BTBD8: variants seen among roughly 807,000 people sequenced by gnomAD.
The protein encoded by BTBD8 is BTB domain containing 8, also known as BTB/POZ domain-containing protein 8.
A neutral mutation model predicts 162.9 loss-of-function variants in BTBD8; 110 were observed. The observed-to-expected ratio is 0.68, with a 90% confidence interval of 0.58 to 0.79. The LOEUF is 0.79. BTBD8 is among the 30% of genes least tolerant of loss of function. BTBD8 has a pLI of 0.00. For synonymous variants in BTBD8, 667 were observed against 716.1 expected (o/e 0.93, Z 1.10); for missense variants, 1,905 against 2,085.4 (o/e 0.91, Z 1.68).
At chr1:92,141,237 T>C in intron 7 of BTBD8, 26 bp downstream of exon 7, 1 of 1,565,242 alleles carries the variant, frequency 6.4e-7, no homozygotes, top group Non-Finnish European at 8.7e-7. Flanking sequence ...CAGAAATCTT[T>C]TATCCAGTGC....
At chr1:92,122,796 C>T (rs920142964) in intron 4 of BTBD8, among the ~76,000 whole-genome samples, 1 of 151,980 alleles carries the variant, frequency 6.6e-6, no homozygotes, top group Non-Finnish European at 1.5e-5. Context: ...AACTCTTGAC[C>T]TCAAGTGATC....
chr1:92,139,219 T>C (rs1292254159), intron 5 of BTBD8, 131 bp from the exon 6 acceptor site: 1 of 918,332 alleles, frequency 1.1e-6, no homozygotes. Context: ...GGATGTTATT[T>C]GAAGAGTATA....
chr1:92,108,981 G>C (rs1336609326), intron 4 of BTBD8, among the ~76,000 whole-genome samples: 1 of 152,176 alleles, frequency 6.6e-6, no homozygotes, highest in Non-Finnish European at 1.5e-5. Flanking sequence ...TGTACTCTTA[G>C]AAATCACGCT....
At chr1:92,080,852 T>TC in intron 1 of BTBD8, 132 bp downstream of exon 1, 1 of 1,407,452 alleles carries the variant, frequency 7.1e-7, no homozygotes, top group Non-Finnish European at 9.5e-7. Context: ...CGACTGCGGG[T>TC]CGTTAGCCAG....
chr1:92,128,900 G>A (rs1239758788), intron 4 of BTBD8, among the ~76,000 whole-genome samples: 4 of 151,804 alleles, frequency 2.6e-5, no homozygotes, highest in Non-Finnish European at 5.9e-5. Context: ...ATTGGTCATG[G>A]TAGGTTTTTT....
At chr1:92,089,916 G>C (rs1350995530) in intron 2 of BTBD8, among the ~76,000 whole-genome samples, 1 of 152,132 alleles carries the variant, frequency 6.6e-6, no homozygotes, top group Non-Finnish European at 1.5e-5. Flanking sequence ...TTTGAACTCA[G>C]AATTGTCATC....
At position 92,138,489 on chromosome 1, in the gene BTBD8, A is replaced by G. The variant is rs140170996; in HGVS notation, c.753-861A>G. 5.3e-5 allele frequency among the ~76,000 whole-genome samples: 8 copies of G among 152,310 alleles called. No individual in the cohort carries two copies. The East Asian group carries it at 1.5e-3, about 29-fold the overall frequency. ...GAGCCAAAGTTGGCTTGCTTACTGT[A>G]TCCCTCTAAAACAGCTCACCTGAGA... On this transcript the variant is annotated intron_variant, in intron 5 of 17. Coordinates refer to ENST00000636805, the MANE Select transcript of BTBD8 (RefSeq NM_001376131.1).
At chr1:92,102,932 C>T (rs1306456700) in intron 3 of BTBD8, among the ~76,000 whole-genome samples, 1 of 152,000 alleles carries the variant, frequency 6.6e-6, no homozygotes, top group Non-Finnish European at 1.5e-5. Context: ...TAATCTATAC[C>T]AATAAAGAAG....
intron 2 of BTBD8, among the ~76,000 whole-genome samples, chr1:92,099,338 T>C (rs1466614742): frequency 6.6e-6 from 1 of 152,272 alleles, no homozygotes; most frequent in African/African-American, 2.4e-5. Flanking sequence ...ATCCACCAAC[T>C]TTGTTATTTG....
chr1:92,184,310 G>A lies in BTBD8; in HGVS notation c.5359G>A (p.Glu1787Lys), dbSNP rs1286788236. ...GCCTCAAGGCGAGTGGACAATTCTG[G>A]AACTGGAAACTCAGCATTAAGTGTT... ...CSPQGEWTIL[E>K]LETQH Residue 1787 changes from glutamate to lysine, a missense_variant, in exon 18 of 18, where the codon GAA becomes AAA. By Grantham distance (56) the Glu-to-Lys change is moderately conservative (BLOSUM62 1). This residue lies in a region of BTBD8 where 517 missense variants were observed against 606.6 expected (regional missense o/e 0.85). Coordinates refer to ENST00000636805, the MANE Select transcript of BTBD8 (RefSeq NM_001376131.1). The A allele has an allele frequency of 3.2e-6, 5 of 1,549,070 alleles. No individual in the cohort carries two copies. Among genetic ancestry groups the A allele is most frequent in the Non-Finnish European group, 4.4e-6 (5 of 1,145,526 alleles).
At chr1:92,134,514 G>A (rs925348238) in intron 5 of BTBD8, among the ~76,000 whole-genome samples, 26 of 152,048 alleles carry the variant, frequency 1.7e-4, no homozygotes, top group African/African-American at 5.1e-4. Flanking sequence ...TATTTTGCAT[G>A]GCTGGCTTCT....
chr1:92,107,380 G>T (rs907019277), intron 3 of BTBD8, among the ~76,000 whole-genome samples: 1 of 152,088 alleles, frequency 6.6e-6, no homozygotes, highest in African/African-American at 2.4e-5. Context: ...TATGACAAAG[G>T]TTTCATAAGA....
At chr1:92,131,775 C>A (rs1649522898) in intron 5 of BTBD8, among the ~76,000 whole-genome samples, 1 of 151,468 alleles carries the variant, frequency 6.6e-6, no homozygotes, top group Non-Finnish European at 1.5e-5. Flanking sequence ...TAATTAAATT[C>A]TCTCTTTTTA....
At chr1:92,182,695 A>ATAAT (rs1483158356) in intron 17 of BTBD8, 100 bp downstream of exon 17, 1 of 647,688 alleles carries the variant, frequency 1.5e-6, no homozygotes, top group Non-Finnish European at 2.4e-6. Flanking sequence ...GTCAGATAGA[A>ATAAT]TAATTACTTA....
In BTBD8 at chr1:92,177,877, A is replaced by C; in HGVS notation, c.2420A>C (p.Gln807Pro). The change falls in exon 15 of 18, where the codon CAA becomes CCA. Residue 807 changes from glutamine to proline, a missense_variant. Physicochemically the swap from Gln to Pro is moderately conservative, Grantham distance 76. Around this residue, in one of 3 missense-constraint regions of BTBD8, gnomAD observed 1,374 missense variants for 1,442.7 expected, o/e 0.95. Transcript: ENST00000636805. ...TCCAATAAAAAAAGTATTCATGAACAAGACACTAATGTAAATAACAGGTAG... is the reference window on the plus strand; with the variant it reads ...TCCAATAAAAAAAGTATTCATGAACCAGACACTAATGTAAATAACAGGTAG... ...GTSNKKSIHE[Q>P]DTNVNNSVLK... 6.5e-7 allele frequency: 1 copy of C among 1,532,768 alleles called. No homozygotes were observed. The allele number at this position is 1,532,768 out of a possible 1,614,324, so 94.9% of individuals were successfully genotyped here. A position where few individuals can be genotyped will look rare whatever the true frequency, so the allele number is the denominator to read the frequency against.
intron 9 of BTBD8, among the ~76,000 whole-genome samples, chr1:92,152,018 A>G (rs1650057073): frequency 6.6e-6 from 1 of 152,186 alleles, no homozygotes; most frequent in Admixed American, 6.6e-5. Context: ...AGCATAAGAC[A>G]GGTACTGTTG....
chr1:92,154,777 G>C (rs150812552), intron 9 of BTBD8, among the ~76,000 whole-genome samples: 1 of 152,016 alleles, frequency 6.6e-6, no homozygotes, highest in African/African-American at 2.4e-5. Context: ...TTTTTAATTT[G>C]ATGTAGTTTC....
chr1:92,080,470 G>A lies in BTBD8; in HGVS notation c.-102G>A. On this transcript the variant is annotated 5_prime_UTR_variant, in exon 1 of 18. Coordinates refer to ENST00000636805, the MANE Select transcript of BTBD8 (RefSeq NM_001376131.1). The stretch of plus-strand genomic sequence containing the variant: ...CCTTTTACCCTAGGGGGCGGATTTG[G>A]GTAGGAGCCGAGCGTTCGGTCGGAA... 1 of 1,530,296 alleles carries A rather than the reference G, an allele frequency of 6.5e-7. No homozygotes were observed. The highest frequency in any genetic ancestry group is 8.8e-7 in the Non-Finnish European group (1 of 1,140,780). 94.8% of individuals were successfully genotyped at this position (1,530,296 alleles called of 1,614,324 possible).
chr1:92,093,490 C>G (rs1343363281), intron 2 of BTBD8, among the ~76,000 whole-genome samples: 2 of 152,098 alleles, frequency 1.3e-5, no homozygotes, highest in African/African-American at 4.8e-5. Context: ...CCGCACCCAG[C>G]CGAAATACCA....
Sources: gnomAD v4.1 joint callset for allele counts (sites outside exome capture counted in the v4.1 genomes callset) on GRCh38, gnomAD v4.1.1 for gene constraint, gnomAD v4.1.1 regional missense constraint, MANE v1.5 for transcripts, NCBI Gene and HGNC (gene_info 2026-07-23, HGNC 2026-07-21) for gene names.